AGBL4: variants seen among roughly 807,000 people sequenced by gnomAD.
AGBL4 encodes AGBL carboxypeptidase 4, also known as cytosolic carboxypeptidase 6.
A neutral mutation model predicts 66.4 loss-of-function variants in AGBL4; 58 were observed. That is an observed-to-expected ratio of 0.87 (90% confidence interval 0.71 to 1.09). The LOEUF (loss-of-function observed/expected upper bound fraction) is 1.09, where lower values mean the gene tolerates loss of function less well. Ranked by LOEUF, AGBL4 falls within the 50% of genes least tolerant of loss-of-function variation. The pLI, the probability that AGBL4 is intolerant of heterozygous loss-of-function variation, is 0.00. For missense variants in AGBL4, 579 were observed against 631.0 expected (o/e 0.92, Z 0.88); for synonymous variants, 234 against 222.9 (o/e 1.05, Z -0.44).
intron 11 of AGBL4, among the ~76,000 whole-genome samples, chr1:48,567,693 C>T (rs1230029584): frequency 1.3e-5 from 2 of 152,064 alleles, no homozygotes; most frequent in Non-Finnish European, 2.9e-5. Context: ...CTGTTGGGGG[C>T]CTGAAGAAAA....
intron 3 of AGBL4, among the ~76,000 whole-genome samples, chr1:49,599,086 A>C (rs1228159637): frequency 2.0e-5 from 3 of 152,126 alleles, no homozygotes. Flanking sequence ...TGCCTCTGCC[A>C]GGTGTTGGTA....
At chr1:49,005,666 A>G (rs1355022843) in intron 5 of AGBL4, among the ~76,000 whole-genome samples, 1 of 152,208 alleles carries the variant, frequency 6.6e-6, no homozygotes, top group African/African-American at 2.4e-5. Context: ...CATGCATGAT[A>G]GGAAAAAACA....
chr1:49,063,014 AAAT>A (rs1644430049), intron 4 of AGBL4, among the ~76,000 whole-genome samples: 1 of 152,210 alleles, frequency 6.6e-6, no homozygotes, highest in Non-Finnish European at 1.5e-5. Context: ...ATGTTAATTA[AAAT>A]AATAACATGG....
intron 1 of AGBL4, among the ~76,000 whole-genome samples, chr1:50,006,338 CAAA>C (rs56377281): frequency 5.4e-5 from 4 of 74,512 alleles, no homozygotes; most frequent in Admixed American, 3.1e-4. Flanking sequence ...GACTCCGCCT[CAAA>C]AAAAAAAAAA....
intron 5 of AGBL4, among the ~76,000 whole-genome samples, chr1:48,950,149 T>C (rs763756984): frequency 3.2e-4 from 48 of 152,250 alleles, no homozygotes; most frequent in Non-Finnish European, 6.5e-4. Context: ...CAGGCTGGAG[T>C]GCAATGGTGT....
At chr1:48,603,497 C>G (rs1370820231) in intron 9 of AGBL4, among the ~76,000 whole-genome samples, 4 of 151,872 alleles carry the variant, frequency 2.6e-5, no homozygotes, top group Non-Finnish European at 5.9e-5. Flanking sequence ...GTGTTTAGCA[C>G]AGTTGAAGAG....
At chr1:50,021,528 CACT>C (rs1225846857) in intron 1 of AGBL4, among the ~76,000 whole-genome samples, 3 of 152,162 alleles carry the variant, frequency 2.0e-5, no homozygotes, top group Non-Finnish European at 2.9e-5. Flanking sequence ...ATAATGGCAC[CACT>C]AACTATCCAG....
At chr1:49,483,191 G>A (rs1646992745) in intron 3 of AGBL4, among the ~76,000 whole-genome samples, 2 of 151,998 alleles carry the variant, frequency 1.3e-5, no homozygotes, top group African/African-American at 2.4e-5. Context: ...TCTTGATGAT[G>A]TCTAATATTG....
chr1:48,620,168 A>G (rs1645388608), intron 9 of AGBL4, among the ~76,000 whole-genome samples: 1 of 152,216 alleles, frequency 6.6e-6, no homozygotes, highest in South Asian at 2.1e-4. Context: ...TAAAGATATT[A>G]GCACAGCTGT....
At chr1:49,189,770 C>CT (rs1469521181) in intron 4 of AGBL4, among the ~76,000 whole-genome samples, 4 of 152,152 alleles carry the variant, frequency 2.6e-5, no homozygotes, top group African/African-American at 7.2e-5. Flanking sequence ...CATTAATTAC[C>CT]TTTTTTCATG....
At chr1:49,258,019 C>T (rs1440430653) in intron 3 of AGBL4, among the ~76,000 whole-genome samples, 1 of 152,184 alleles carries the variant, frequency 6.6e-6, no homozygotes, top group Non-Finnish European at 1.5e-5. Flanking sequence ...ATCCACGGTT[C>T]TGCAGACCCC....
chr1:49,269,156 A>G (rs1643997593), intron 3 of AGBL4: 1 of 152,188 alleles, frequency 6.6e-6, no homozygotes, highest in South Asian at 2.1e-4. Flanking sequence ...TCTTAGACCA[A>G]CATATAGACG....
At chr1:49,592,064 C>T (rs1216322666) in intron 3 of AGBL4, among the ~76,000 whole-genome samples, 1 of 152,056 alleles carries the variant, frequency 6.6e-6, no homozygotes, top group East Asian at 1.9e-4. Flanking sequence ...AAAGCAATTG[C>T]AACAAAAACA....
intron 1 of AGBL4, among the ~76,000 whole-genome samples, chr1:49,948,006 A>G (rs1408099434): frequency 1.2e-5 from 1 of 85,954 alleles, no homozygotes; most frequent in East Asian, 2.9e-4. Context: ...ATAAATATAT[A>G]TAAATATATA....
chr1:48,932,629 A>T (rs1248828597), intron 5 of AGBL4, among the ~76,000 whole-genome samples: 1 of 152,298 alleles, frequency 6.6e-6, no homozygotes, highest in East Asian at 1.9e-4. Context: ...AAAATGAAGC[A>T]TCTCATAAAT....
intron 4 of AGBL4, among the ~76,000 whole-genome samples, chr1:49,088,578 A>G (rs1644947914): frequency 6.6e-6 from 1 of 152,186 alleles, no homozygotes; most frequent in Non-Finnish European, 1.5e-5. Flanking sequence ...TACACCCAAC[A>G]CAGGAGTACC....
intron 3 of AGBL4, among the ~76,000 whole-genome samples, chr1:49,597,707 C>T (rs114098161): frequency 0.012 from 1,864 of 152,230 alleles, 28 homozygotes; most frequent in Non-Finnish European, 0.015. Context: ...ACTCAAGAGG[C>T]AATTATAAAA....
At chr1:49,553,333 G>A (rs1653121492) in intron 3 of AGBL4, among the ~76,000 whole-genome samples, 1 of 152,144 alleles carries the variant, frequency 6.6e-6, no homozygotes, top group South Asian at 2.1e-4. Flanking sequence ...ATGTCATAGT[G>A]AAACATCCTA....
chr1:49,344,932 T>G (rs1645609090), intron 3 of AGBL4, among the ~76,000 whole-genome samples: 1 of 152,224 alleles, frequency 6.6e-6, no homozygotes, highest in Non-Finnish European at 1.5e-5. Flanking sequence ...GTTATCATTT[T>G]GGCTAAATAA....
Sources: allele counts gnomAD v4.1 joint callset (sites outside exome capture counted in the v4.1 genomes callset), GRCh38; gene constraint gnomAD v4.1.1; transcripts MANE v1.5; gene names NCBI Gene and HGNC (gene_info 2026-07-23, HGNC 2026-07-21).